Variants in PDE4D observed in about 807,000 individuals in gnomAD.
The protein encoded by PDE4D is 3',5'-cyclic-AMP phosphodiesterase 4D.
A neutral mutation model predicts 87.4 loss-of-function variants in PDE4D; 24 were observed. The observed-to-expected ratio is 0.27, with a 90% CI of 0.20 to 0.39. The LOEUF is 0.39. Among genes scored for constraint, PDE4D ranks in the 10% least tolerant of loss-of-function variants. PDE4D has a pLI of 1.00. For synonymous variants in PDE4D, 384 were observed against 383.2 expected, an observed-to-expected ratio of 1.00 and a Z score of -0.02; for missense variants, 714 against 1,041.0, an observed-to-expected ratio of 0.69 and a Z score of 4.32.
intron 1 of PDE4D, among the ~76,000 whole-genome samples, chr5:59,334,253 T>TTG (rs1554135265): frequency 7.4e-4 from 50 of 67,990 alleles, no homozygotes; most frequent in African/African-American, 2.0e-3. Context: ...TGGAGTTTTT[T>TTG]TTTTTTTTTT....
At chr5:59,423,768 A>G (rs1197793289) in intron 1 of PDE4D, among the ~76,000 whole-genome samples, 1 of 151,702 alleles carries the variant, frequency 6.6e-6, no homozygotes, top group Non-Finnish European at 1.5e-5. Context: ...ATTTACAAGG[A>G]TGCAGAGATG....
intron 3 of PDE4D, among the ~76,000 whole-genome samples, chr5:59,971,064 G>A (rs989395810): frequency 4.6e-5 from 7 of 151,834 alleles, no homozygotes; most frequent in Admixed American, 3.9e-4. Flanking sequence ...GTAGGGACAT[G>A]GATGAAATTG....
At chr5:59,709,257 A>G (rs1753870843) in intron 1 of PDE4D, among the ~76,000 whole-genome samples, 1 of 152,166 alleles carries the variant, frequency 6.6e-6, no homozygotes, top group Admixed American at 6.6e-5. Flanking sequence ...TAAAATTCCT[A>G]AGAACTCTTC....
chr5:59,887,797 C>T (rs80191434), intron 1 of PDE4D, among the ~76,000 whole-genome samples: 3,942 of 151,992 alleles, frequency 0.026, 168 homozygotes, highest in African/African-American at 0.091. Context: ...TGTTTGTTTT[C>T]TGAAGTCATC....
chr5:59,900,528 C>G (rs1055384730), intron 3 of PDE4D, among the ~76,000 whole-genome samples: 1 of 152,044 alleles, frequency 6.6e-6, no homozygotes, highest in Non-Finnish European at 1.5e-5. Flanking sequence ...ATTGCTTTAG[C>G]ATTGAAATGT....
chr5:59,856,384 TA>T (rs149942569), intron 1 of PDE4D, among the ~76,000 whole-genome samples: 3,733 of 152,238 alleles, frequency 0.025, 120 homozygotes, highest in African/African-American at 0.07. Context: ...CACTAATCTA[TA>T]AAAAATTATT....
At position 59,200,297 on chromosome 5, in the gene PDE4D, ATG is replaced by A. The variant is rs1379233479; in HGVS notation, c.648-6763_648-6762del. ...TGTACAGCTACAAGTATACATACAT[ATG>A]TGTATGTACAGCTACACGTATACAT... On this transcript the variant is annotated intron_variant, in intron 2 of 14. Transcript: ENST00000340635. Among the ~76,000 whole-genome samples, 3 of 107,258 alleles carry A rather than the reference ATG, an allele frequency of 2.8e-5. 1 individual carries two copies. The highest frequency in any genetic ancestry group is 1.1e-4 in the African/African-American group (2 of 19,028). 70.4% of individuals were successfully genotyped at this position (107,258 alleles called of 152,430 possible). A position where few individuals can be genotyped will look rare whatever the true frequency, so the allele number is the denominator to read the frequency against.
intron 1 of PDE4D, among the ~76,000 whole-genome samples, chr5:59,498,836 A>T (rs1807710482): frequency 6.6e-6 from 1 of 152,078 alleles, no homozygotes; most frequent in Non-Finnish European, 1.5e-5. Context: ...ATAGTGGGGA[A>T]CTTCAGCACA....
intron 1 of PDE4D, chr5:59,275,595 T>G: frequency 7.3e-7 from 1 of 1,367,344 alleles, no homozygotes; most frequent in Non-Finnish European, 9.4e-7. Context: ...CAGGAGCGCT[T>G]TCTTCCTTCA....
chr5:59,618,949 T>C (rs1012392022), intron 1 of PDE4D, among the ~76,000 whole-genome samples: 3 of 152,150 alleles, frequency 2.0e-5, no homozygotes, highest in Admixed American at 6.6e-5. Context: ...TATTGGACTT[T>C]CCAGCTTCCA....
At chr5:59,566,401 G>A (rs1820890309) in intron 1 of PDE4D, among the ~76,000 whole-genome samples, 1 of 151,984 alleles carries the variant, frequency 6.6e-6, no homozygotes, top group African/African-American at 2.4e-5. Context: ...TACTGATCCT[G>A]CAAATCACAG....
At chr5:59,673,528 A>G (rs1281683036) in intron 1 of PDE4D, among the ~76,000 whole-genome samples, 1 of 152,234 alleles carries the variant, frequency 6.6e-6, no homozygotes, top group East Asian at 1.9e-4. Flanking sequence ...TTAGTGAATC[A>G]AAACCTTATG....
chr5:60,054,578 T>C lies in PDE4D; in HGVS notation c.43-65861A>G, dbSNP rs191747257. On this transcript the variant is annotated intron_variant, in intron 2 of 16. Coordinates refer to the PDE4D transcript ENST00000502484. ...ATAGCATTAGGAGAAATACCTAATGTAGATGATGGGTTGATTGGTGTGGCA... is the reference window on the plus strand; with the variant it reads ...ATAGCATTAGGAGAAATACCTAATGCAGATGATGGGTTGATTGGTGTGGCA... Among the ~76,000 whole-genome samples, 19 of 152,078 alleles carry C rather than the reference T, an allele frequency of 1.2e-4. No homozygotes were observed. In the East Asian group the frequency reaches 1.7e-3, roughly 14 times the overall value.
At chr5:59,686,386 G>T (rs573856508) in intron 1 of PDE4D, among the ~76,000 whole-genome samples, 5 of 152,190 alleles carry the variant, frequency 3.3e-5, no homozygotes, top group Admixed American at 3.3e-4. Context: ...GCCTAAAGTC[G>T]CTCACACAAC....
chr5:59,768,718 T>G, intron 1 of PDE4D: 1 of 1,232,644 alleles, frequency 8.1e-7, no homozygotes, highest in South Asian at 1.6e-5. Flanking sequence ...TCACCCCTCC[T>G]CTCCCAAGCC....
At chr5:59,963,760 C>G (rs1154789) in intron 3 of PDE4D, among the ~76,000 whole-genome samples, 40,282 of 151,970 alleles carry the variant, frequency 0.27, 5,821 homozygotes, top group Admixed American at 0.35. Context: ...CCTCTTCTCA[C>G]TGTTCAGGTG....
At chr5:59,215,185 AAGCTGTACT>A (rs1184748053) in intron 2 of PDE4D, among the ~76,000 whole-genome samples, 1 of 152,174 alleles carries the variant, frequency 6.6e-6, no homozygotes, top group Non-Finnish European at 1.5e-5. Context: ...ATTGTTTTTC[AAGCTGTACT>A]ATATCTTAAA....
intron 1 of PDE4D, among the ~76,000 whole-genome samples, chr5:59,750,899 G>C (rs1256556264): frequency 7.1e-6 from 1 of 141,618 alleles, no homozygotes; most frequent in African/African-American, 2.7e-5. Context: ...CAGTGATCAT[G>C]CCACTTTACT....
chr5:59,883,977 G>A (rs998724453), intron 1 of PDE4D, among the ~76,000 whole-genome samples: 10 of 152,042 alleles, frequency 6.6e-5, no homozygotes, highest in African/African-American at 1.7e-4. Context: ...TATATTAAAC[G>A]AAATAAGTTG....
Sources: allele counts gnomAD v4.1 joint callset (sites outside exome capture counted in the v4.1 genomes callset), GRCh38; gene constraint gnomAD v4.1.1; transcripts MANE v1.5; gene names NCBI Gene and HGNC (gene_info 2026-07-23, HGNC 2026-07-21).